Variants in L3MBTL4 observed in about 807,000 individuals in gnomAD.
L3MBTL4 encodes lethal(3)malignant brain tumor-like protein 4.
In L3MBTL4, 70 loss-of-function variants were observed where a neutral mutation model predicts 84.5. The ratio of observed to expected loss-of-function variants is 0.83; its 90% CI spans 0.68 to 1.01. L3MBTL4 has a LOEUF of 1.01. Among genes scored for constraint, L3MBTL4 ranks in the 50% least tolerant of loss-of-function variants. The pLI is 0.00. For synonymous variants in L3MBTL4, 274 were observed against 259.8 expected (o/e 1.05, Z -0.52); for missense variants, 715 against 754.8 (o/e 0.95, Z 0.62).
chr18:6,223,965 C>T (rs1349297118), intron 10 of L3MBTL4, among the ~76,000 whole-genome samples: 1 of 151,996 alleles, frequency 6.6e-6, no homozygotes, highest in Non-Finnish European at 1.5e-5. Flanking sequence ...CTAGTTAGCT[C>T]AAGGTGACTA....
At chr18:6,337,455 C>A (rs2143383936) in intron 1 of L3MBTL4, among the ~76,000 whole-genome samples, 1 of 152,196 alleles carries the variant, frequency 6.6e-6, no homozygotes, top group East Asian at 1.9e-4. Context: ...ACTATAACTA[C>A]ATGTATCTAC....
intron 16 of L3MBTL4, among the ~76,000 whole-genome samples, chr18:6,005,045 A>G (rs1459479908): frequency 3.3e-5 from 3 of 90,150 alleles, no homozygotes; most frequent in Admixed American, 3.3e-4. Flanking sequence ...GTTCAGGAGT[A>G]CGTGTGTGGG....
intron 16 of L3MBTL4, among the ~76,000 whole-genome samples, chr18:6,052,494 C>G (rs561507842): frequency 1.4e-4 from 21 of 152,308 alleles, no homozygotes; most frequent in African/African-American, 4.6e-4. Context: ...AGTACTTACT[C>G]CCTGCCAGTT....
intron 16 of L3MBTL4, among the ~76,000 whole-genome samples, chr18:5,999,603 T>C (rs1015154225): frequency 6.6e-6 from 1 of 152,150 alleles, no homozygotes; most frequent in Non-Finnish European, 1.5e-5. Context: ...CCTAGAATCA[T>C]ACAAAAACAA....
chr18:6,062,569 G>T (rs1377443565), intron 16 of L3MBTL4, among the ~76,000 whole-genome samples: 1 of 151,814 alleles, frequency 6.6e-6, no homozygotes, highest in Non-Finnish European at 1.5e-5. Flanking sequence ...TATTTCTTCT[G>T]CTCCTTTTCT....
At chr18:5,997,865 T>C (rs769007212) in intron 16 of L3MBTL4, among the ~76,000 whole-genome samples, 1 of 152,198 alleles carries the variant, frequency 6.6e-6, no homozygotes, top group Admixed American at 6.5e-5. Flanking sequence ...GTGGGTTATA[T>C]GTAAGTATTA....
intron 10 of L3MBTL4, among the ~76,000 whole-genome samples, chr18:6,233,357 T>C (rs1361560946): frequency 2.7e-5 from 4 of 149,654 alleles, no homozygotes; most frequent in African/African-American, 1.0e-4. Flanking sequence ...GGATATTCAA[T>C]TAGGAAAAGA....
At chr18:6,190,018 T>A (rs1481962241) in intron 12 of L3MBTL4, among the ~76,000 whole-genome samples, 1 of 152,078 alleles carries the variant, frequency 6.6e-6, no homozygotes, top group African/African-American at 2.4e-5. Context: ...TCAACCCACA[T>A]GTTCAAGAAA....
chr18:6,044,521 A>G (rs965786094), intron 16 of L3MBTL4, among the ~76,000 whole-genome samples: 3 of 152,200 alleles, frequency 2.0e-5, no homozygotes, highest in Admixed American at 6.5e-5. Context: ...GCTGGCTTCC[A>G]TGGTGAATAA....
intron 16 of L3MBTL4, among the ~76,000 whole-genome samples, chr18:6,028,583 G>T (rs2055625170): frequency 6.6e-6 from 1 of 152,130 alleles, no homozygotes; most frequent in African/African-American, 2.4e-5. Flanking sequence ...AAAGTCAATG[G>T]TAGCTTAATG....
intron 16 of L3MBTL4, among the ~76,000 whole-genome samples, chr18:6,063,299 CTGTGTGTGTGTGTGTGTG>C (rs61413638): frequency 2.1e-5 from 3 of 141,142 alleles, no homozygotes; most frequent in African/African-American, 5.3e-5. Flanking sequence ...CTATAAATAT[CTGTGTGTGTGTGTGTGTG>C]TGTGTGTGTG....
At chr18:6,271,531 C>A (rs991488269) in intron 4 of L3MBTL4, among the ~76,000 whole-genome samples, 7 of 152,188 alleles carry the variant, frequency 4.6e-5, no homozygotes, top group African/African-American at 1.4e-4. Flanking sequence ...CAGCGCAGAA[C>A]GCGGAGGAAA....
intron 16 of L3MBTL4, chr18:6,017,948 C>T (rs984876186): frequency 2.0e-5 from 3 of 152,074 alleles, no homozygotes; most frequent in Non-Finnish European, 4.4e-5. Flanking sequence ...GACTGGACAG[C>T]TTACAAAAAA....
At chr18:6,156,615 A>T (rs1258008199) in intron 13 of L3MBTL4, among the ~76,000 whole-genome samples, 1 of 152,180 alleles carries the variant, frequency 6.6e-6, no homozygotes, top group Non-Finnish European at 1.5e-5. Flanking sequence ...TGAACTCAGG[A>T]TCTCTACTCA....
intron 14 of L3MBTL4, among the ~76,000 whole-genome samples, chr18:6,125,220 T>C (rs2059652027): frequency 6.6e-6 from 1 of 150,870 alleles, no homozygotes. Flanking sequence ...GAAAGGAAGG[T>C]CCCCTCCTTT....
chr18:6,318,585 C>A (rs1165000176), intron 1 of L3MBTL4, among the ~76,000 whole-genome samples: 1 of 144,992 alleles, frequency 6.9e-6, no homozygotes, highest in Non-Finnish European at 1.5e-5. Flanking sequence ...ATATTACAAT[C>A]CTAAATTTAC....
chr18:6,138,912 C>T (rs1395498407), intron 13 of L3MBTL4, among the ~76,000 whole-genome samples: 6 of 152,256 alleles, frequency 3.9e-5, no homozygotes, highest in South Asian at 2.1e-4. Context: ...AATACAGCCA[C>T]GAGCTGAGAA....
chr18:5,989,387 T>C (rs148131877), intron 16 of L3MBTL4, among the ~76,000 whole-genome samples: 90 of 145,292 alleles, frequency 6.2e-4, no homozygotes, highest in African/African-American at 2.4e-3. Flanking sequence ...ATGAGCAGTA[T>C]GTGGAAAGTT....
At chr18:6,235,675 G>A (rs2047189079) in intron 10 of L3MBTL4, among the ~76,000 whole-genome samples, 1 of 152,148 alleles carries the variant, frequency 6.6e-6, no homozygotes, top group African/African-American at 2.4e-5. Context: ...AGGGAAATAG[G>A]GGTATGGACG....
Sources: allele counts gnomAD v4.1 joint callset (sites outside exome capture counted in the v4.1 genomes callset), GRCh38; gene constraint gnomAD v4.1.1; transcripts MANE v1.5; gene names NCBI Gene and HGNC (gene_info 2026-07-23, HGNC 2026-07-21).